DCAF17: variants seen among roughly 807,000 people sequenced by gnomAD.
The protein encoded by DCAF17 is DDB1- and CUL4-associated factor 17.
Under a neutral mutation model 66.0 loss-of-function variants are expected in DCAF17, and 48 were observed. The observed-to-expected ratio is 0.73, with a 90% CI of 0.58 to 0.92. The LOEUF is 0.92. Among genes scored for constraint, DCAF17 ranks in the 40% least tolerant of loss-of-function variants. DCAF17 has a pLI of 0.00. For missense variants in DCAF17, 562 were observed against 622.8 expected (o/e 0.90, Z 1.04); for synonymous variants, 206 against 214.6 (o/e 0.96, Z 0.35).
At chr2:171,441,417 G>A (rs1029251304) in intron 2 of DCAF17, among the ~76,000 whole-genome samples, 1 of 152,008 alleles carries the variant, frequency 6.6e-6, no homozygotes, top group African/African-American at 2.4e-5. Flanking sequence ...TTTCTAAGGA[G>A]GATAAGGCCA....
chr2:171,476,681 GA>G (rs1185456596), intron 10 of DCAF17, among the ~76,000 whole-genome samples, 178 bp from the exon 11 acceptor site: 6 of 152,132 alleles, frequency 3.9e-5, no homozygotes, highest in African/African-American at 1.4e-4. Flanking sequence ...CAGAATCTCC[GA>G]ATTTGAAGGA....
chr2:171,450,144 A>G (rs1296100210), intron 5 of DCAF17, 187 bp downstream of exon 5: 16 of 547,756 alleles, frequency 2.9e-5, no homozygotes, highest in Non-Finnish European at 2.0e-5. Context: ...GGAAAACCAG[A>G]CATTGTATTT....
At chr2:171,449,271 G>T (rs571916717) in intron 4 of DCAF17, among the ~76,000 whole-genome samples, 2 of 152,276 alleles carry the variant, frequency 1.3e-5, no homozygotes, top group African/African-American at 4.8e-5. Flanking sequence ...GCCTCCTAAA[G>T]TTCTGGGATT....
Position 171,460,049 on chromosome 2 carries a change from G to A in DCAF17, c.838+1572G>A, listed in dbSNP as rs1695483618. 1.3e-5 allele frequency among the ~76,000 whole-genome samples: 2 copies of A among 152,150 alleles called. 1 individual carries two copies. The highest frequency in any genetic ancestry group is 4.1e-4 in the South Asian group (2 of 4,834). Reference sequence around the variant, plus strand: ...CAAATAAAAAGTAAGTAAAGTCTGGGCACAGTGGCTCAAGACTGTAATTCC... The same window carrying A: ...CAAATAAAAAGTAAGTAAAGTCTGGACACAGTGGCTCAAGACTGTAATTCC... On this transcript the variant is annotated intron_variant, in intron 8 of 13. Transcript: ENST00000375255.
intron 8 of DCAF17, among the ~76,000 whole-genome samples, chr2:171,466,732 T>TG (rs1695921796): frequency 6.6e-6 from 1 of 151,526 alleles, no homozygotes; most frequent in Admixed American, 6.6e-5. Context: ...GTACTGTTTT[T>TG]TTTTTTTTTT....
At chr2:171,444,499 A>G (rs1694501429) in intron 3 of DCAF17, among the ~76,000 whole-genome samples, 1 of 152,244 alleles carries the variant, frequency 6.6e-6, no homozygotes, top group Non-Finnish European at 1.5e-5. Flanking sequence ...GATATGAAAC[A>G]TAAATGAATT....
At chr2:171,465,607 G>A (rs1362443892) in intron 8 of DCAF17, among the ~76,000 whole-genome samples, 1 of 152,066 alleles carries the variant, frequency 6.6e-6, no homozygotes, top group Non-Finnish European at 1.5e-5. Context: ...AGCCTCCTGG[G>A]TAGCTGGGAC....
intron 8 of DCAF17, among the ~76,000 whole-genome samples, chr2:171,458,850 T>C (rs1179641514): frequency 2.0e-5 from 3 of 152,190 alleles, no homozygotes; most frequent in African/African-American, 7.2e-5. Flanking sequence ...GAAAGGTGTT[T>C]TCCAAGAAAA....
At chr2:171,434,798 C>G in intron 1 of DCAF17, 95 bp downstream of exon 1, 1 of 1,395,574 alleles carries the variant, frequency 7.2e-7, no homozygotes, top group South Asian at 1.6e-5. Flanking sequence ...TGGGGCCTCC[C>G]TTTATAGGGT....
intron 2 of DCAF17, among the ~76,000 whole-genome samples, chr2:171,439,757 A>G (rs1694196322): frequency 6.6e-6 from 1 of 151,618 alleles, no homozygotes; most frequent in South Asian, 2.1e-4. Flanking sequence ...GCGAAACCCC[A>G]TCTCTACTAA....
At chr2:171,460,406 G>A (rs958042796) in intron 8 of DCAF17, among the ~76,000 whole-genome samples, 2 of 151,610 alleles carry the variant, frequency 1.3e-5, no homozygotes, top group African/African-American at 4.8e-5. Context: ...AATTGACCTG[G>A]AGTTTTATCC....
chr2:171,435,199 T>C lies in DCAF17; in HGVS notation c.230+13T>C, dbSNP rs537772678. Reference sequence around the variant, plus strand: ...GCTGTGTCAGCAGGTAACTTTTTATTGATAATTTTGCTGTAATTCACCTCA... The same window carrying C: ...GCTGTGTCAGCAGGTAACTTTTTATCGATAATTTTGCTGTAATTCACCTCA... On this transcript the variant is annotated intron_variant, in intron 2 of 13. Transcript: ENST00000375255. The C allele has an allele frequency of 5.0e-6, 8 of 1,590,694 alleles. No individual in the cohort carries two copies. In the Admixed American group the frequency reaches 6.7e-5, roughly 13 times the overall value.
chr2:171,441,291 A>C (rs1477060608), intron 2 of DCAF17, among the ~76,000 whole-genome samples: 2 of 152,180 alleles, frequency 1.3e-5, no homozygotes, highest in Non-Finnish European at 2.9e-5. Context: ...TGTGGGAGTC[A>C]ATGCCATGCT....
chr2:171,464,273 C>G (rs1695762646), intron 8 of DCAF17, among the ~76,000 whole-genome samples: 2 of 152,180 alleles, frequency 1.3e-5, no homozygotes, highest in Non-Finnish European at 2.9e-5. Flanking sequence ...TTGATTCTCT[C>G]ACAGTTCTGG....
intron 4 of DCAF17, among the ~76,000 whole-genome samples, chr2:171,449,601 A>T (rs1694830219): frequency 6.6e-6 from 1 of 152,166 alleles, no homozygotes; most frequent in South Asian, 2.1e-4. Flanking sequence ...AGTAGAAATG[A>T]TTATTTTGTT....
chr2:171,467,379 G>C (rs1695966295), intron 8 of DCAF17, among the ~76,000 whole-genome samples: 1 of 152,090 alleles, frequency 6.6e-6, no homozygotes, highest in Non-Finnish European at 1.5e-5. Context: ...TAGGCTATTA[G>C]TAGTTAAGTT....
chr2:171,439,511 CTT>C (rs374646610), intron 2 of DCAF17, among the ~76,000 whole-genome samples: 91 of 94,766 alleles, frequency 9.6e-4, no homozygotes, highest in East Asian at 5.8e-3. Context: ...CTTTTTTTTC[CTT>C]TTTTTTTTTT....
intron 3 of DCAF17, among the ~76,000 whole-genome samples, chr2:171,444,962 A>G (rs1018501412): frequency 6.6e-6 from 1 of 151,984 alleles, no homozygotes; most frequent in Non-Finnish European, 1.5e-5. Context: ...TTCTTCTTCA[A>G]CTCCTTATTG....
intron 8 of DCAF17, among the ~76,000 whole-genome samples, chr2:171,465,319 A>G (rs1456194113): frequency 6.6e-6 from 1 of 152,158 alleles, no homozygotes; most frequent in Non-Finnish European, 1.5e-5. Flanking sequence ...GCGATTTGAA[A>G]TCATTTTTCT....
Sources: gnomAD v4.1 joint callset for allele counts (sites outside exome capture counted in the v4.1 genomes callset) on GRCh38, gnomAD v4.1.1 for gene constraint, MANE v1.5 for transcripts, NCBI Gene and HGNC (gene_info 2026-07-23, HGNC 2026-07-21) for gene names.